The following SLC8B1 variants were observed in gnomAD, a reference collection of about 807,000 sequenced individuals.
SLC8B1 encodes the protein solute carrier family 8 member B1, also known as mitochondrial sodium/calcium exchanger protein.
In SLC8B1, 52 loss-of-function variants were observed where a neutral mutation model predicts 63.4. The observed-to-expected ratio is 0.82, with a 90% CI of 0.66 to 1.03. The LOEUF is 1.03. Among genes scored for constraint, SLC8B1 ranks in the 50% least tolerant of loss-of-function variants. The pLI is 0.00. For missense variants in SLC8B1, 657 were observed against 741.7 expected (o/e 0.89, Z 1.33); for synonymous variants, 336 against 323.9 (o/e 1.04, Z -0.40).
intron 8 of SLC8B1, among the ~76,000 whole-genome samples, chr12:113,317,823 G>A (rs1956855443): frequency 6.7e-6 from 1 of 149,572 alleles, no homozygotes; most frequent in Middle Eastern, 3.2e-3. Context: ...ATGTATTTGT[G>A]TGTATTGTGT....
intron 2 of SLC8B1, among the ~76,000 whole-genome samples, chr12:113,325,182 T>G (rs191183978): frequency 4.6e-5 from 7 of 152,202 alleles, no homozygotes; most frequent in Admixed American, 2.6e-4. Context: ...ATTACCCCTA[T>G]CTCCACTATT....
intron 12 of SLC8B1, among the ~76,000 whole-genome samples, chr12:113,309,836 G>C (rs182394671): frequency 2.6e-5 from 4 of 152,232 alleles, no homozygotes; most frequent in African/African-American, 9.6e-5. Context: ...ACGCGGAGTA[G>C]AGTCGTGGTT....
At chr12:113,300,118 A>G in intron 15 of SLC8B1, 144 bp from the exon 16 acceptor site, 5 of 621,334 alleles carry the variant, frequency 8.0e-6, no homozygotes, top group Non-Finnish European at 1.3e-5. Context: ...CTCAGCAACA[A>G]TGCAGCCTCA....
At chr12:113,300,912 G>A (rs2136818658) in intron 15 of SLC8B1, among the ~76,000 whole-genome samples, 1 of 152,366 alleles carries the variant, frequency 6.6e-6, no homozygotes, top group East Asian at 1.9e-4. Flanking sequence ...AAAGCGGGCA[G>A]ATCACTTGAA....
At chr12:113,302,803 T>TTA in intron 15 of SLC8B1, 1 of 450,750 alleles carries the variant, frequency 2.2e-6, no homozygotes, top group Non-Finnish European at 4.5e-6. Context: ...GGATGCCATA[T>TTA]TACACACGCC....
At chr12:113,328,896 C>T (rs1272817390) in intron 2 of SLC8B1, among the ~76,000 whole-genome samples, 3 of 152,012 alleles carry the variant, frequency 2.0e-5, no homozygotes, top group Non-Finnish European at 4.4e-5. Flanking sequence ...GGATTGCAGA[C>T]GTCCACCACC....
chr12:113,303,137 A>ACG (rs1566222576), intron 15 of SLC8B1, among the ~76,000 whole-genome samples: 3 of 148,584 alleles, frequency 2.0e-5, no homozygotes, highest in African/African-American at 7.6e-5. Context: ...ACACACACAC[A>ACG]CACACGCGCG....
chr12:113,300,659 C>A (rs1273241458), intron 15 of SLC8B1, among the ~76,000 whole-genome samples: 1 of 152,216 alleles, frequency 6.6e-6, no homozygotes, highest in African/African-American at 2.4e-5. Flanking sequence ...TTTCCAGACG[C>A]AGAAACAGCA....
chr12:113,300,657 C>A (rs543343554), intron 15 of SLC8B1, among the ~76,000 whole-genome samples: 1 of 152,182 alleles, frequency 6.6e-6, no homozygotes, highest in African/African-American at 2.4e-5. Context: ...AGTTTCCAGA[C>A]GCAGAAACAG....
rs1956661948 is a variant in SLC8B1 at position 113,305,707 on chromosome 12, ACTATAG to A, written c.1492+782_1492+787del. ...ATGCACTGTCTGTGCCTGTTTCTGCACTATAGCAGCAGAGTTGAGTAGCTGCAAAAC... is the reference window on the plus strand; with the variant it reads ...ATGCACTGTCTGTGCCTGTTTCTGCACAGCAGAGTTGAGTAGCTGCAAAAC... On this transcript the variant is annotated intron_variant, in intron 14 of 15. Transcript: ENST00000680972. This position sits in a 1 kb window ranked among gnomAD's most constrained non-coding sequence, Gnocchi z 4.3. 6.6e-6 allele frequency among the ~76,000 whole-genome samples: 1 copy of A among 152,236 alleles called. No individual in the cohort carries two copies.
At chr12:113,317,851 T>G (rs1188905642) in intron 8 of SLC8B1, among the ~76,000 whole-genome samples, 1 of 152,174 alleles carries the variant, frequency 6.6e-6, no homozygotes, top group East Asian at 1.9e-4. Context: ...TGCATGAATT[T>G]GTGTATGTGT....
chr12:113,312,689 C>T (rs1298822920), intron 11 of SLC8B1, among the ~76,000 whole-genome samples: 3 of 152,154 alleles, frequency 2.0e-5, no homozygotes, highest in Non-Finnish European at 4.4e-5. Context: ...CCTGCTACCA[C>T]TAGGTGGTGT....
intron 2 of SLC8B1, among the ~76,000 whole-genome samples, chr12:113,328,429 C>A (rs115646182): frequency 6.6e-6 from 1 of 152,184 alleles, no homozygotes; most frequent in Non-Finnish European, 1.5e-5. Flanking sequence ...CCTCCTACCC[C>A]CAATCTTACC....
At chr12:113,311,810 C>T (rs544359097) in intron 11 of SLC8B1, among the ~76,000 whole-genome samples, 81 of 150,876 alleles carry the variant, frequency 5.4e-4, no homozygotes, top group Non-Finnish European at 8.4e-4. Flanking sequence ...CTCAAGCCAT[C>T]CTCCCACCTC....
chr12:113,327,931 T>C (rs1291064540), intron 2 of SLC8B1, among the ~76,000 whole-genome samples: 1 of 147,658 alleles, frequency 6.8e-6, no homozygotes, highest in East Asian at 1.9e-4. Flanking sequence ...TGAGCTGAGA[T>C]TGCACCATTG....
intron 14 of SLC8B1, 47 bp from the exon 15 acceptor site, chr12:113,304,432 C>A (rs772559015): frequency 1.3e-5 from 20 of 1,551,904 alleles, no homozygotes; most frequent in African/African-American, 8.1e-5. Flanking sequence ...TGCACATAAC[C>A]CAACCACATA....
chr12:113,317,501 T>TA, intron 8 of SLC8B1, among the ~76,000 whole-genome samples: 1 of 152,356 alleles, frequency 6.6e-6, no homozygotes, highest in Non-Finnish European at 1.5e-5. Flanking sequence ...CATGCAGCTA[T>TA]AATGCTAAAG....
At position 113,321,110 on chromosome 12, in the gene SLC8B1, T is replaced by C. The variant is rs1364709753; in HGVS notation, c.310-2A>G. The C allele has an allele frequency of 6.2e-7, 1 of 1,613,872 alleles. No individual in the cohort carries two copies. Among genetic ancestry groups the C allele is most frequent in the Admixed American group, 1.7e-5 (1 of 59,978 alleles). On this transcript the variant is annotated splice_acceptor_variant, in intron 3 of 15. Coordinates refer to ENST00000680972, the MANE Select transcript of SLC8B1 (RefSeq NM_001358345.2). LOFTEE classifies it high-confidence loss of function. ...AAACAGGTAGAGCAGCCAGGAAACC[T>C]GGGTGGGGAGCGGGCGAGGAAGGGA...
At position 113,315,449 on chromosome 12, in the gene SLC8B1, T is replaced by G. The variant is rs1566233084; in HGVS notation, c.1021A>C (p.Thr341Pro). 6.2e-7 allele frequency: 1 copy of G among 1,601,890 alleles called. No homozygotes were observed. Among genetic ancestry groups the G allele is most frequent in the East Asian group, 2.2e-5 (1 of 44,448 alleles). The part of the protein sequence containing the change: ...KLPVEFLLLL[T>P]VPVVDPDKDD... ...TTGTCCGGGTCCACGACGGGGACTGTGAGGAGCAGCAGGAACTCCACAGGC... is the reference window on the plus strand; with the variant it reads ...TTGTCCGGGTCCACGACGGGGACTGGGAGGAGCAGCAGGAACTCCACAGGC... Residue 341 changes from threonine to proline, a missense_variant, in exon 11 of 16, where the codon ACA becomes CCA. Coordinates refer to ENST00000680972, the MANE Select transcript of SLC8B1 (RefSeq NM_001358345.2).
Sources: allele counts gnomAD v4.1 joint callset (sites outside exome capture counted in the v4.1 genomes callset), GRCh38; gene constraint gnomAD v4.1.1; non-coding constraint Gnocchi (gnomAD v3.1); transcripts MANE v1.5; gene names NCBI Gene and HGNC (gene_info 2026-07-23, HGNC 2026-07-21).